The following ATP6V1E2 variants were observed in gnomAD, a reference collection of about 807,000 sequenced individuals.
ATP6V1E2 encodes the protein V-type proton ATPase subunit E 2.
For synonymous variants in ATP6V1E2, 121 were observed against 104.2 expected (o/e 1.16, Z -0.98); for missense variants, 308 against 273.3 (o/e 1.13, Z -0.90).
intron 4 of ATP6V1E2, among the ~76,000 whole-genome samples, chr2:46,514,002 T>C (rs1354355478): frequency 1.3e-5 from 2 of 151,662 alleles, no homozygotes; most frequent in African/African-American, 2.4e-5. Context: ...ATATAGCTTT[T>C]AGTGTGGTGA....
intron 4 of ATP6V1E2, among the ~76,000 whole-genome samples, chr2:46,513,977 G>A (rs1687593851): frequency 6.6e-6 from 1 of 152,052 alleles, no homozygotes; most frequent in African/African-American, 2.4e-5. Context: ...GAACCACTTG[G>A]AGGATCTTTA....
chr2:46,525,668 C>G (rs1350742059), intron 4 of ATP6V1E2, among the ~76,000 whole-genome samples: 1 of 152,044 alleles, frequency 6.6e-6, no homozygotes, highest in Non-Finnish European at 1.5e-5. Flanking sequence ...GAGTTTTATT[C>G]CAAGAACTCC....
chr2:46,534,969 C>T (rs556206938), intron 4 of ATP6V1E2: 2 of 152,306 alleles, frequency 1.3e-5, no homozygotes, highest in African/African-American at 4.8e-5. Context: ...CACAGGGATT[C>T]CAGGAGCCTG....
intron 4 of ATP6V1E2, among the ~76,000 whole-genome samples, chr2:46,520,854 T>G (rs189048547): frequency 6.8e-6 from 1 of 148,092 alleles, no homozygotes; most frequent in South Asian, 2.1e-4. Flanking sequence ...GAAGGGAGGC[T>G]TTTTTTTTTC....
chr2:46,512,307 G>A lies in ATP6V1E2; in HGVS notation c.405C>T (p.Arg135=), dbSNP rs1215168083. Residue 135 remains arginine, a synonymous_variant, in exon 5 of 5, where the codon CGC becomes CGT. Transcript: ENST00000522587. Reference sequence around the variant, plus strand: ...CCAGGAGGAGGTCTTGTGGCCGGCAGCGTACAATCATCACAGGTTCCAGCA... The same window carrying A: ...CCAGGAGGAGGTCTTGTGGCCGGCAACGTACAATCATCACAGGTTCCAGCA... ...LRLLEPVMIV[R]CRPQDLLLVE... 1.2e-6 allele frequency: 2 copies of A among 1,612,054 alleles called. No individual in the cohort carries two copies. Among genetic ancestry groups the A allele is most frequent in the African/African-American group, 2.7e-5 (2 of 74,948 alleles).
At chr2:46,531,765 T>A (rs1431100256) in intron 4 of ATP6V1E2, among the ~76,000 whole-genome samples, 1 of 152,210 alleles carries the variant, frequency 6.6e-6, no homozygotes, top group East Asian at 1.9e-4. Flanking sequence ...TTATTTACAT[T>A]TACCTAATGA....
chr2:46,540,886 T>C (rs904161583), intron 2 of ATP6V1E2, among the ~76,000 whole-genome samples: 1 of 152,160 alleles, frequency 6.6e-6, no homozygotes, highest in Non-Finnish European at 1.5e-5. Context: ...CACTGCATGA[T>C]TCATCGGACA....
At chr2:46,537,289 G>C (rs1280930296) in intron 2 of ATP6V1E2, 1 of 152,214 alleles carries the variant, frequency 6.6e-6, no homozygotes, top group Non-Finnish European at 1.5e-5. Flanking sequence ...AATTAGGATA[G>C]TCCCAACTCC....
chr2:46,532,477 C>T (rs553274954), intron 4 of ATP6V1E2, among the ~76,000 whole-genome samples: 1 of 151,936 alleles, frequency 6.6e-6, no homozygotes, highest in Non-Finnish European at 1.5e-5. Context: ...TCTTAGTCTA[C>T]CTTTGTTATA....
At chr2:46,522,221 T>C (rs1666671914) in intron 4 of ATP6V1E2, among the ~76,000 whole-genome samples, 1 of 150,966 alleles carries the variant, frequency 6.6e-6, no homozygotes, top group Non-Finnish European at 1.5e-5. Flanking sequence ...GAGGTCGAGG[T>C]TGCAGTGAAC....
chr2:46,521,339 G>C (rs180792310), intron 4 of ATP6V1E2, among the ~76,000 whole-genome samples: 1 of 152,298 alleles, frequency 6.6e-6, no homozygotes, highest in East Asian at 1.9e-4. Context: ...GCAGCCGCAG[G>C]GAGTTCTTGG....
intron 4 of ATP6V1E2, among the ~76,000 whole-genome samples, chr2:46,513,022 A>G (rs906210425): frequency 2.0e-5 from 3 of 152,248 alleles, no homozygotes; most frequent in Non-Finnish European, 2.9e-5. Context: ...ATTGTTATCA[A>G]ATAATAATGA....
chr2:46,512,943 G>C, intron 4 of ATP6V1E2, 131 bp from the exon 5 acceptor site: 1 of 477,464 alleles, frequency 2.1e-6, no homozygotes, highest in South Asian at 3.0e-5. Context: ...ATTTATCTAA[G>C]GTTATACTCT....
At chr2:46,540,363 G>T (rs867741343) in intron 2 of ATP6V1E2, among the ~76,000 whole-genome samples, 1 of 150,412 alleles carries the variant, frequency 6.6e-6, no homozygotes, top group Middle Eastern at 3.4e-3. Flanking sequence ...AGAGGTTGCA[G>T]TGAGCCAAGA....
chr2:46,527,282 C>T (rs1335218131), intron 4 of ATP6V1E2, among the ~76,000 whole-genome samples: 2 of 152,008 alleles, frequency 1.3e-5, no homozygotes, highest in Non-Finnish European at 2.9e-5. Context: ...AGTGCAGTGG[C>T]GTGATCTCAG....
Position 46,542,272 on chromosome 2 carries a change from G to C in ATP6V1E2, c.-429C>G, listed in dbSNP as rs1179733389. The stretch of plus-strand genomic sequence containing the variant: ...TCCGTTGTGCACTTAGAGGCCGAGA[G>C]GATGGCTCTGGCCTTCCGGGTGGAG... On this transcript the variant is annotated 5_prime_UTR_variant, in exon 1 of 5. Transcript: ENST00000522587. 6.6e-6 allele frequency: 1 copy of C among 151,812 alleles called. No homozygotes were observed. Among genetic ancestry groups the C allele is most frequent in the East Asian group, 1.9e-4 (1 of 5,156 alleles). 9.4% of individuals were successfully genotyped at this position (151,812 alleles called of 1,614,324 possible).
At chr2:46,518,755 ATT>A (rs1256955065) in intron 4 of ATP6V1E2, among the ~76,000 whole-genome samples, 10 of 117,542 alleles carry the variant, frequency 8.5e-5, no homozygotes, top group African/African-American at 2.8e-4. Flanking sequence ...AGACAAGTCA[ATT>A]TTGTGTGTGT....
intron 4 of ATP6V1E2, among the ~76,000 whole-genome samples, chr2:46,522,880 T>A (rs186425532): frequency 2.0e-5 from 3 of 152,338 alleles, no homozygotes; most frequent in African/African-American, 7.2e-5. Context: ...TGTTCCTATT[T>A]CTCTACGGCC....
intron 4 of ATP6V1E2, among the ~76,000 whole-genome samples, chr2:46,516,948 C>T (rs1687739631): frequency 6.6e-6 from 1 of 152,306 alleles, no homozygotes; most frequent in African/African-American, 2.4e-5. Context: ...TATCAAAATC[C>T]TGATGCTGTT....
Sources: gnomAD v4.1 joint callset for allele counts (sites outside exome capture counted in the v4.1 genomes callset) on GRCh38, gnomAD v4.1.1 for gene constraint, MANE v1.5 for transcripts, NCBI Gene and HGNC (gene_info 2026-07-23, HGNC 2026-07-21) for gene names.